PAXBP1: variants seen among roughly 807,000 people sequenced by gnomAD.
PAXBP1 encodes the protein PAX3- and PAX7-binding protein 1.
PAXBP1 carries 44 observed loss-of-function variants against 119.9 expected under a neutral mutation model. The ratio of observed to expected loss-of-function variants is 0.37; its 90% confidence interval spans 0.29 to 0.47. PAXBP1 has a LOEUF of 0.47. Among genes scored for constraint, PAXBP1 ranks in the 20% least tolerant of loss-of-function variants. The pLI, the probability that PAXBP1 is intolerant of heterozygous loss-of-function variation, is 0.99. For missense variants in PAXBP1, 898 were observed against 1,134.1 expected (o/e 0.79, Z 2.99); for synonymous variants, 393 against 406.6 (o/e 0.97, Z 0.40).
intron 15 of PAXBP1, among the ~76,000 whole-genome samples, chr21:32,740,462 C>T (rs1469464481): frequency 1.3e-5 from 2 of 152,200 alleles, no homozygotes; most frequent in Non-Finnish European, 2.9e-5. Flanking sequence ...TAACTGAGAC[C>T]TGTCTCAAAT....
intron 17 of PAXBP1, 25 bp downstream of exon 17, chr21:32,737,229 A>ACCAT: frequency 6.7e-7 from 1 of 1,483,400 alleles, no homozygotes. Context: ...ACTCTAGATT[A>ACCAT]CCATTTCATT....
At chr21:32,744,286 A>T (rs968844889) in intron 13 of PAXBP1, among the ~76,000 whole-genome samples, 88 of 149,836 alleles carry the variant, frequency 5.9e-4, no homozygotes, top group Non-Finnish European at 5.6e-4. Context: ...AGAAAAAAAA[A>T]AAGGAGGGGG....
chr21:32,757,732 A>G (rs1012224366), intron 7 of PAXBP1, among the ~76,000 whole-genome samples: 2 of 152,244 alleles, frequency 1.3e-5, no homozygotes, highest in African/African-American at 4.8e-5. Flanking sequence ...ACAAACTCAT[A>G]AAGCATAGTT....
At chr21:32,761,190 A>AT in intron 4 of PAXBP1, 28 bp from the exon 5 acceptor site, 1 of 1,556,954 alleles carries the variant, frequency 6.4e-7, no homozygotes. Context: ...AAAGAAAAGT[A>AT]AGTAACACCC....
chr21:32,761,013 G>A (rs900306614), intron 5 of PAXBP1, 46 bp downstream of exon 5: 1 of 1,477,192 alleles, frequency 6.8e-7, no homozygotes, highest in Non-Finnish European at 9.2e-7. Context: ...AATAAAAAAG[G>A]CTTTTTAATC....
At position 32,738,263 on chromosome 21, in the gene PAXBP1, C is replaced by T; in HGVS notation, c.2391G>A (p.Glu797=). Residue 797 remains glutamate (E), a synonymous_variant, in exon 16 of 18, where the codon GAG becomes GAA. Coordinates refer to ENST00000331923, the MANE Select transcript of PAXBP1 (RefSeq NM_016631.4). ...YGIFSNKTLQ[E]LSIDGLLNRY... is the part of the protein sequence containing the mutation. ...GATTTAATAAACCATCTATTGATAA[C>T]TCTTGCAGAGTTTTATTTGAGAAAA... 1 of 1,602,306 alleles carries T rather than the reference C, an allele frequency of 6.2e-7. No individual in the cohort carries two copies. Among genetic ancestry groups the T allele is most frequent in the South Asian group, 1.1e-5 (1 of 87,570 alleles).
At chr21:32,747,978 G>T (rs1216914196) in intron 11 of PAXBP1, among the ~76,000 whole-genome samples, 1 of 150,404 alleles carries the variant, frequency 6.6e-6, no homozygotes, top group Admixed American at 6.6e-5. Flanking sequence ...GTAGAGACAA[G>T]GTCTTGCTAT....
chr21:32,743,772 G>C lies in PAXBP1; in HGVS notation c.2191-18C>G. 1.5e-6 allele frequency: 2 copies of C among 1,363,230 alleles called. No homozygotes were observed. Among genetic ancestry groups the C allele is most frequent in the Non-Finnish European group, 2.1e-6 (2 of 968,466 alleles). 84.4% of individuals were successfully genotyped at this position (1,363,230 alleles called of 1,614,324 possible). On this transcript the variant is annotated intron_variant, in intron 13 of 17. Coordinates refer to ENST00000331923, the MANE Select transcript of PAXBP1 (RefSeq NM_016631.4). The stretch of plus-strand genomic sequence containing the variant: ...AGGTATACCTAAAAAGTTAAAAGTA[G>C]ATCACACATTTTAATAAGGACTATG...
At chr21:32,752,131 C>T (rs889558551) in intron 8 of PAXBP1, 1 of 152,242 alleles carries the variant, frequency 6.6e-6, no homozygotes, top group African/African-American at 2.4e-5. Context: ...TCCTTATGAT[C>T]ATCGTTAACT....
chr21:32,735,528 CTAAA>C (rs1471266700), intron 17 of PAXBP1, among the ~76,000 whole-genome samples: 1 of 152,220 alleles, frequency 6.6e-6, no homozygotes, highest in Non-Finnish European at 1.5e-5. Flanking sequence ...CCAAAATTCA[CTAAA>C]TAAAGTATAA....
intron 8 of PAXBP1, 99 bp downstream of exon 8, chr21:32,755,127 TAAAA>T (rs5843565): frequency 7.1e-4 from 698 of 982,726 alleles, no homozygotes; most frequent in South Asian, 9.6e-4. Flanking sequence ...ATTGTTTCTT[TAAAA>T]AAAAAAAAAA....
chr21:32,740,793 A>T (rs2043769975), intron 15 of PAXBP1, among the ~76,000 whole-genome samples: 1 of 152,186 alleles, frequency 6.6e-6, no homozygotes, highest in East Asian at 1.9e-4. Context: ...AGACTATTAG[A>T]ATGGAAAGAT....
At chr21:32,769,780 C>A (rs1283525029) in intron 2 of PAXBP1, 34 bp downstream of exon 2, 2 of 1,590,172 alleles carry the variant, frequency 1.3e-6, no homozygotes, top group South Asian at 2.3e-5. Context: ...TTCATTTTGT[C>A]ATTTCAAAAG....
At chr21:32,757,567 A>T (rs565846547) in intron 7 of PAXBP1, among the ~76,000 whole-genome samples, 2 of 152,326 alleles carry the variant, frequency 1.3e-5, no homozygotes, top group South Asian at 4.1e-4. Context: ...AACAATTAAA[A>T]ACTATAAACT....
Position 32,748,674 on chromosome 21 carries a change from T to C in PAXBP1, c.1748A>G (p.Lys583Arg), listed in dbSNP as rs2043912044. ...ACTTTCAAGGACATCTTCAAAAACT[T>C]TGCCGGATTCTTTTGAAATTCGATC... ...EKDRISKESGKVFEDVLESFY... is the reference protein window; with the variant it reads ...EKDRISKESGRVFEDVLESFY... Residue 583 changes from lysine (K) to arginine (R), a missense_variant, in exon 11 of 18, where the codon AAA (lysine) becomes AGA (arginine). By Grantham distance (26) the Lys-to-Arg change is conservative. Coordinates refer to ENST00000331923, the MANE Select transcript of PAXBP1 (RefSeq NM_016631.4). 1 of 1,611,494 alleles carries C rather than the reference T, an allele frequency of 6.2e-7. No individual in the cohort carries two copies. Among genetic ancestry groups the C allele is most frequent in the Non-Finnish European group, 8.5e-7 (1 of 1,178,518 alleles).
Position 32,771,737 on chromosome 21 carries a change from C to G in PAXBP1, c.-69G>C, listed in dbSNP as rs1025377757. On this transcript the variant is annotated 5_prime_UTR_variant, in exon 1 of 18. Coordinates refer to ENST00000331923, the MANE Select transcript of PAXBP1 (RefSeq NM_016631.4). ...GGCCCCGGCAGCGCCGAGCTCGTGA[C>G]GGCGCACGCGCGCTCTCCGGAGCTC... 1.7e-5 allele frequency: 21 copies of G among 1,263,436 alleles called. No homozygotes were observed. The highest frequency in any genetic ancestry group is 2.1e-5 in the Non-Finnish European group (21 of 987,572). The allele number at this position is 1,263,436 out of a possible 1,614,324, so 78.3% of individuals were successfully genotyped here. A position where few individuals can be genotyped will look rare whatever the true frequency, so the allele number is the denominator to read the frequency against.
intron 2 of PAXBP1, among the ~76,000 whole-genome samples, chr21:32,764,867 C>T (rs973798708): frequency 3.3e-5 from 5 of 152,152 alleles, no homozygotes; most frequent in African/African-American, 9.7e-5. Context: ...GCTAAACTCC[C>T]ACAAGGAACT....
At chr21:32,767,882 C>T (rs949631086) in intron 2 of PAXBP1, among the ~76,000 whole-genome samples, 2 of 152,178 alleles carry the variant, frequency 1.3e-5, no homozygotes, top group African/African-American at 2.4e-5. Flanking sequence ...GTCACTTATC[C>T]TGACCTTTCT....
At chr21:32,741,456 A>C (rs565500918) in intron 15 of PAXBP1, 2 of 684,788 alleles carry the variant, frequency 2.9e-6, no homozygotes, top group South Asian at 3.4e-5. Flanking sequence ...GGTTTAACGA[A>C]ATATGTACAG....
Sources: allele counts gnomAD v4.1 joint callset (sites outside exome capture counted in the v4.1 genomes callset), GRCh38; gene constraint gnomAD v4.1.1; transcripts MANE v1.5; gene names NCBI Gene and HGNC (gene_info 2026-07-23, HGNC 2026-07-21).